Variants in GLCE observed in about 807,000 individuals in gnomAD.
GLCE encodes the protein D-glucuronyl C5-epimerase.
Under a neutral mutation model 47.9 loss-of-function variants are expected in GLCE, and 19 were observed. The observed-to-expected ratio is 0.40, with a 90% CI of 0.28 to 0.58. GLCE has a LOEUF of 0.58. Among genes scored for constraint, GLCE ranks in the 20% least tolerant of loss-of-function variants. The pLI is 0.48. For synonymous variants in GLCE, 245 were observed against 263.4 expected (o/e 0.93, Z 0.68); for missense variants, 556 against 743.3 (o/e 0.75, Z 2.93).
chr15:69,265,903 C>T (rs2053079113), intron 4 of GLCE, among the ~76,000 whole-genome samples: 1 of 152,164 alleles, frequency 6.6e-6, no homozygotes, highest in East Asian at 1.9e-4. Flanking sequence ...AGATAGTCTG[C>T]TCCACTGAAT....
intron 2 of GLCE, among the ~76,000 whole-genome samples, chr15:69,224,466 T>C (rs994532094): frequency 1.3e-5 from 2 of 152,188 alleles, no homozygotes; most frequent in Admixed American, 6.5e-5. Context: ...GAAGAAAAAT[T>C]GGCTCTGGCC....
Position 69,270,632 on chromosome 15 carries a change from A to C in GLCE, c.*1388A>C, listed in dbSNP as rs1042339780. 2 of 152,202 alleles carry C rather than the reference A, an allele frequency of 1.3e-5. No homozygotes were observed. The highest frequency in any genetic ancestry group is 2.9e-5 in the Non-Finnish European group (2 of 68,030). 9.4% of individuals were successfully genotyped at this position (152,202 alleles called of 1,614,324 possible). ...ATACATTTATCTGTGACCTATATCA[A>C]GTACACATTTAGGAGCCAGGTAGGT... On this transcript the variant is annotated 3_prime_UTR_variant, in exon 5 of 5. Transcript: ENST00000261858.
intron 1 of GLCE, among the ~76,000 whole-genome samples, chr15:69,190,462 G>A (rs1262584507): frequency 6.6e-6 from 1 of 152,062 alleles, no homozygotes; most frequent in African/African-American, 2.4e-5. Context: ...TAGGCATTTT[G>A]AAGCTCTGTT....
chr15:69,199,048 C>T (rs1023014033), intron 1 of GLCE, among the ~76,000 whole-genome samples: 3 of 152,088 alleles, frequency 2.0e-5, no homozygotes, highest in African/African-American at 7.2e-5. Context: ...ACCCTCATAA[C>T]TGGTAGTGTA....
chr15:69,168,135 T>A (rs2051532721), intron 1 of GLCE, among the ~76,000 whole-genome samples: 1 of 151,674 alleles, frequency 6.6e-6, no homozygotes, highest in Non-Finnish European at 1.5e-5. Flanking sequence ...CTACTCCTAC[T>A]AAAAAAAAGT....
intron 2 of GLCE, among the ~76,000 whole-genome samples, chr15:69,242,764 A>C (rs1294018186): frequency 6.6e-6 from 1 of 152,026 alleles, no homozygotes; most frequent in Non-Finnish European, 1.5e-5. Flanking sequence ...GAAAACTGGA[A>C]CTAGGTGTGG....
At chr15:69,216,599 C>T (rs866134051) in intron 2 of GLCE, among the ~76,000 whole-genome samples, 3 of 152,054 alleles carry the variant, frequency 2.0e-5, no homozygotes, top group African/African-American at 4.8e-5. Flanking sequence ...AGAATATGTG[C>T]GGGGATGCCA....
At chr15:69,246,143 C>T (rs1040807333) in intron 2 of GLCE, among the ~76,000 whole-genome samples, 1 of 152,200 alleles carries the variant, frequency 6.6e-6, no homozygotes, top group Non-Finnish European at 1.5e-5. Flanking sequence ...TCAGACTCTA[C>T]TTCTAATTCT....
chr15:69,231,305 A>G (rs1466187199), intron 2 of GLCE, among the ~76,000 whole-genome samples: 1 of 142,838 alleles, frequency 7.0e-6, no homozygotes, highest in South Asian at 2.2e-4. Context: ...TTTTTTTGAG[A>G]TGGAGTCTCG....
chr15:69,195,652 A>G (rs972555602), intron 1 of GLCE, among the ~76,000 whole-genome samples: 1 of 152,110 alleles, frequency 6.6e-6, no homozygotes, highest in African/African-American at 2.4e-5. Flanking sequence ...CCTGATTGGT[A>G]TGTTTTCAGG....
At chr15:69,194,184 GC>G (rs2051953985) in intron 1 of GLCE, among the ~76,000 whole-genome samples, 2 of 152,154 alleles carry the variant, frequency 1.3e-5, no homozygotes, top group African/African-American at 4.8e-5. Flanking sequence ...CACTGGGCAT[GC>G]AGCTGTATTT....
chr15:69,240,313 A>ATAT (rs1555406599), intron 2 of GLCE, among the ~76,000 whole-genome samples: 1 of 150,190 alleles, frequency 6.7e-6, no homozygotes, highest in Non-Finnish European at 1.5e-5. Flanking sequence ...AAAAAAAAGA[A>ATAT]AAGAAATATT....
chr15:69,211,869 T>C (rs1019403626), intron 2 of GLCE, among the ~76,000 whole-genome samples: 4 of 152,034 alleles, frequency 2.6e-5, no homozygotes, highest in East Asian at 3.8e-4. Context: ...TATATTTGGT[T>C]TCCTAATAGA....
intron 1 of GLCE, among the ~76,000 whole-genome samples, chr15:69,195,858 A>G (rs1323750797): frequency 6.6e-6 from 1 of 152,202 alleles, no homozygotes; most frequent in Non-Finnish European, 1.5e-5. Flanking sequence ...ACAAATATTA[A>G]TACCATTCCT....
At chr15:69,169,714 G>A (rs1014355418) in intron 1 of GLCE, among the ~76,000 whole-genome samples, 7 of 152,250 alleles carry the variant, frequency 4.6e-5, no homozygotes, top group South Asian at 2.1e-4. Context: ...CCCTACAAAG[G>A]ACATGAACTC....
intron 2 of GLCE, among the ~76,000 whole-genome samples, chr15:69,237,850 T>G (rs950744874): frequency 2.0e-5 from 3 of 152,180 alleles, no homozygotes; most frequent in Non-Finnish European, 4.4e-5. Context: ...TCATTAAGTT[T>G]TCTTTTTCTT....
chr15:69,249,984 G>C (rs2052814959), intron 2 of GLCE, among the ~76,000 whole-genome samples: 1 of 152,072 alleles, frequency 6.6e-6, no homozygotes, highest in Non-Finnish European at 1.5e-5. Flanking sequence ...TTCTGTTTTA[G>C]ATCTCCAGCG....
chr15:69,180,453 C>T (rs570972824), intron 1 of GLCE, among the ~76,000 whole-genome samples: 1 of 152,092 alleles, frequency 6.6e-6, no homozygotes, highest in Admixed American at 6.5e-5. Context: ...GAAAAATAAA[C>T]CAGGGAAGGG....
chr15:69,250,655 C>G (rs905279376), intron 2 of GLCE, among the ~76,000 whole-genome samples: 5 of 151,844 alleles, frequency 3.3e-5, no homozygotes, highest in Admixed American at 1.3e-4. Flanking sequence ...CTTGGTGGTT[C>G]TCTACTCCCG....
Sources: gnomAD v4.1 joint callset for allele counts (sites outside exome capture counted in the v4.1 genomes callset) on GRCh38, gnomAD v4.1.1 for gene constraint, MANE v1.5 for transcripts, NCBI Gene and HGNC (gene_info 2026-07-23, HGNC 2026-07-21) for gene names.